Variants in RNF150 observed in about 807,000 individuals in gnomAD.
RNF150 encodes ring finger protein 150.
Under a neutral mutation model 39.3 loss-of-function variants are expected in RNF150, and 24 were observed. The ratio of observed to expected loss-of-function variants is 0.61; its 90% confidence interval spans 0.44 to 0.86. The LOEUF is 0.86. Among genes scored for constraint, RNF150 ranks in the 40% least tolerant of loss-of-function variants. The probability of loss-of-function intolerance (pLI) is 0.00; values close to 1 mark genes in which losing one functional copy is unlikely to be tolerated. For synonymous variants in RNF150, 255 were observed against 227.3 expected (o/e 1.12, Z -1.10); for missense variants, 502 against 587.8 (o/e 0.85, Z 1.51).
chr4:140,896,733 A>AAGAAT (rs1729973683), intron 6 of RNF150, among the ~76,000 whole-genome samples: 3 of 143,106 alleles, frequency 2.1e-5, no homozygotes, highest in African/African-American at 7.6e-5. Context: ...AAAAAAAATA[A>AAGAAT]TTTTTTTTCT....
intron 1 of RNF150, among the ~76,000 whole-genome samples, chr4:141,169,361 C>T (rs1430224381): frequency 6.6e-6 from 1 of 152,166 alleles, no homozygotes; most frequent in Non-Finnish European, 1.5e-5. Flanking sequence ...ATTTCCTGAA[C>T]AGCCTGAGGA....
At chr4:141,068,337 T>C (rs1737545360) in intron 1 of RNF150, among the ~76,000 whole-genome samples, 1 of 152,172 alleles carries the variant, frequency 6.6e-6, no homozygotes, top group Admixed American at 6.5e-5. Flanking sequence ...AAGAAAAAAG[T>C]AGTTCCCAGG....
intron 1 of RNF150, among the ~76,000 whole-genome samples, chr4:141,026,407 T>C (rs768611270): frequency 3.9e-5 from 6 of 152,186 alleles, no homozygotes; most frequent in Admixed American, 3.3e-4. Flanking sequence ...AATAGAAATA[T>C]AATGTGAGGC....
chr4:140,894,892 G>A (rs1729884488), intron 6 of RNF150, among the ~76,000 whole-genome samples: 1 of 152,118 alleles, frequency 6.6e-6, no homozygotes, highest in Admixed American at 6.6e-5. Context: ...CATAAATCTC[G>A]AAGTCACAAA....
upstream of RNF150, among the ~76,000 whole-genome samples, chr4:141,137,221 T>C (rs563920319): frequency 1.3e-3 from 193 of 152,206 alleles, no homozygotes; most frequent in African/African-American, 4.4e-3. Flanking sequence ...TTATTCTGAG[T>C]GAGAGGAGAA....
chr4:141,198,053 T>A (rs980887016), intron 1 of RNF150, among the ~76,000 whole-genome samples: 5 of 148,382 alleles, frequency 3.4e-5, no homozygotes, highest in African/African-American at 1.2e-4. Context: ...TTTTTTGGAG[T>A]TTTGCTCTTG....
At chr4:140,926,212 G>A in intron 4 of RNF150, 139 bp from the exon 5 acceptor site, 1 of 639,778 alleles carries the variant, frequency 1.6e-6, no homozygotes, top group Admixed American at 2.5e-5. Context: ...TAACTTGTGG[G>A]CCAAAGTGTT....
chr4:140,859,968 A>G lies in RNF150; in HGVS notation c.*8293T>C. 6.6e-6 allele frequency: 1 copy of G among 152,164 alleles called. No homozygotes were observed. Among genetic ancestry groups the G allele is most frequent in the Non-Finnish European group, 1.5e-5 (1 of 68,032 alleles). 9.4% of individuals were successfully genotyped at this position (152,164 alleles called of 1,614,324 possible). On this transcript the variant is annotated 3_prime_UTR_variant, in exon 7 of 7. Transcript: ENST00000515673. ...TTATTTACATGATAGTCTTCTATATAACAAAAATAACCATGTTGTAATGAC... is the reference window on the plus strand; with the variant it reads ...TTATTTACATGATAGTCTTCTATATGACAAAAATAACCATGTTGTAATGAC...
intron 2 of RNF150, among the ~76,000 whole-genome samples, chr4:140,965,172 C>G (rs1229826298): frequency 6.6e-6 from 1 of 151,992 alleles, no homozygotes; most frequent in African/African-American, 2.4e-5. Context: ...AATGGAAATG[C>G]TAAAACCACT....
In RNF150 at chr4:140,978,074, T is replaced by C. The variant is rs114082884; in HGVS notation, c.485-10201A>G. Among the ~76,000 whole-genome samples, 1,104 of 152,262 alleles carry C rather than the reference T, an allele frequency of 7.3e-3. 9 individuals are homozygous for C. Among genetic ancestry groups the C allele is most frequent in the African/African-American group, 0.025 (1,040 of 41,568 alleles). ...AAAACTTAAATTGATAGGACTAATT[T>C]AGGAGTTTGAAAATGTATCATTCAG... On this transcript the variant is annotated intron_variant, in intron 1 of 6. Transcript: ENST00000515673.
At chr4:141,147,099 T>C (rs72724499) in intron 1 of RNF150, among the ~76,000 whole-genome samples, 3,150 of 152,148 alleles carry the variant, frequency 0.021, 58 homozygotes, top group Non-Finnish European at 0.032. Flanking sequence ...GGCCTACAGG[T>C]GTATGTCACC....
chr4:141,171,977 T>C (rs1727735564), intron 1 of RNF150, among the ~76,000 whole-genome samples: 2 of 152,324 alleles, frequency 1.3e-5, no homozygotes, highest in South Asian at 4.1e-4. Flanking sequence ...TTTTATATGC[T>C]CTTTTATAAT....
intron 1 of RNF150, among the ~76,000 whole-genome samples, chr4:141,142,647 A>G (rs1240669248): frequency 3.3e-5 from 5 of 152,100 alleles, no homozygotes; most frequent in African/African-American, 9.7e-5. Context: ...CAATGGGAAC[A>G]CTTCTTTCCT....
At chr4:141,068,175 C>A (rs1737537865) in intron 1 of RNF150, among the ~76,000 whole-genome samples, 1 of 152,126 alleles carries the variant, frequency 6.6e-6, no homozygotes, top group Non-Finnish European at 1.5e-5. Context: ...GAACACCTAA[C>A]CTCATGTGAT....
chr4:141,077,903 T>C (rs1041975570), intron 1 of RNF150, among the ~76,000 whole-genome samples: 5 of 152,224 alleles, frequency 3.3e-5, no homozygotes, highest in Non-Finnish European at 4.4e-5. Flanking sequence ...CCATTATGGT[T>C]GTTTCTCTAA....
At chr4:141,122,954 ACT>A (rs1159272495) in intron 1 of RNF150, among the ~76,000 whole-genome samples, 9 of 152,146 alleles carry the variant, frequency 5.9e-5, no homozygotes, top group African/African-American at 1.2e-4. Flanking sequence ...CCTTTTTGAC[ACT>A]CTATGTCCTT....
intron 6 of RNF150, among the ~76,000 whole-genome samples, chr4:140,903,608 C>G (rs1730269214): frequency 6.6e-6 from 1 of 152,172 alleles, no homozygotes; most frequent in African/African-American, 2.4e-5. Context: ...AGGTCTGCCC[C>G]CCAGCCCTTT....
At chr4:140,922,279 C>A (rs28896798) in intron 5 of RNF150, among the ~76,000 whole-genome samples, 1 of 149,994 alleles carries the variant, frequency 6.7e-6, no homozygotes. Context: ...AGTCTCAGGA[C>A]ATAAAATCAA....
At chr4:141,115,844 G>A (rs1022651328) in intron 1 of RNF150, among the ~76,000 whole-genome samples, 13 of 152,056 alleles carry the variant, frequency 8.5e-5, no homozygotes, top group Middle Eastern at 3.4e-3. Context: ...ACCACACATC[G>A]ACAACCATCT....
Sources: allele counts gnomAD v4.1 joint callset (sites outside exome capture counted in the v4.1 genomes callset), GRCh38; gene constraint gnomAD v4.1.1; transcripts MANE v1.5; gene names NCBI Gene and HGNC (gene_info 2026-07-23, HGNC 2026-07-21).